LEPR: variants seen among roughly 807,000 people sequenced by gnomAD.
LEPR encodes OB receptor.
A neutral mutation model predicts 114.7 loss-of-function variants in LEPR; 56 were observed. That is an observed-to-expected ratio of 0.49 (90% confidence interval 0.39 to 0.61). The LOEUF is 0.61. Among genes scored for constraint, LEPR ranks in the 20% least tolerant of loss-of-function variants. The pLI, the probability that LEPR is intolerant of heterozygous loss-of-function variation, is 0.00. For missense variants in LEPR, 1,202 were observed against 1,352.9 expected, an observed-to-expected ratio of 0.89 and a Z score of 1.75; for synonymous variants, 443 against 461.4, an observed-to-expected ratio of 0.96 and a Z score of 0.51.
At chr1:65,475,988 G>C (rs1274306707) in intron 2 of LEPR, among the ~76,000 whole-genome samples, 1 of 151,652 alleles carries the variant, frequency 6.6e-6, no homozygotes, top group Non-Finnish European at 1.5e-5. Context: ...CTGCACTCCA[G>C]CCTGGGTGAC....
Position 65,425,347 on chromosome 1 carries a change from C to T in LEPR, c.-52C>T, listed in dbSNP as rs1646339826. Reference sequence around the variant, plus strand: ...CAGTGGGGCTATTGGACTGACTTTTCTTATGCTGGGATGTGCCTTAGAGGA... The same window carrying T: ...CAGTGGGGCTATTGGACTGACTTTTTTTATGCTGGGATGTGCCTTAGAGGA... On this transcript the variant is annotated 5_prime_UTR_variant, in exon 2 of 20. Coordinates refer to ENST00000349533, the MANE Select transcript of LEPR (RefSeq NM_002303.6). The T allele has an allele frequency of 1.2e-6, 2 of 1,606,786 alleles. No individual in the cohort carries two copies. The highest frequency in any genetic ancestry group is 1.7e-6 in the Non-Finnish European group (2 of 1,178,506).
At chr1:65,500,693 T>C (rs1222303249) in intron 2 of LEPR, among the ~76,000 whole-genome samples, 2 of 152,190 alleles carry the variant, frequency 1.3e-5, no homozygotes, top group Admixed American at 1.3e-4. Context: ...TATGTGTTAA[T>C]TGACAACATT....
chr1:65,621,105 G>A (rs1169265205), intron 17 of LEPR, among the ~76,000 whole-genome samples: 1 of 152,016 alleles, frequency 6.6e-6, no homozygotes, highest in African/African-American at 2.4e-5. Flanking sequence ...AGGTAGAGAG[G>A]AATGGCAAAT....
In LEPR at chr1:65,622,903, T is replaced by C. The variant is rs200460320; in HGVS notation, c.2598-3T>C. The stretch of plus-strand genomic sequence containing the variant: ...ATTTTGATGCCCTGTTTATCCTTTG[T>C]AGAATGAAAAAGCTATTTTGGGAAG... On this transcript the variant is annotated splice_polypyrimidine_tract_variant and splice_region_variant and intron_variant, in intron 18 of 19. Transcript: ENST00000349533. 3.1e-6 allele frequency: 5 copies of C among 1,613,880 alleles called. No homozygotes were observed. Among genetic ancestry groups the C allele is most frequent in the Admixed American group, 1.7e-5 (1 of 59,996 alleles).
At chr1:65,433,829 T>C (rs1040527132) in intron 2 of LEPR, 23 of 984,620 alleles carry the variant, frequency 2.3e-5, no homozygotes, top group Middle Eastern at 5.2e-4. Flanking sequence ...AATTTTTTTG[T>C]GATGTTGCCT....
At chr1:65,594,377 A>G (rs1346099022) in intron 6 of LEPR, among the ~76,000 whole-genome samples, 1 of 152,024 alleles carries the variant, frequency 6.6e-6, no homozygotes, top group Middle Eastern at 3.2e-3. Context: ...TCCAGAGCAT[A>G]TTGTAGGCCA....
At chr1:65,542,556 T>C (rs938200089) in intron 2 of LEPR, among the ~76,000 whole-genome samples, 1 of 151,932 alleles carries the variant, frequency 6.6e-6, no homozygotes, top group African/African-American at 2.4e-5. Flanking sequence ...GGTGGTTTGC[T>C]GCACCCATCA....
chr1:65,635,198 A>G (rs929912496), intron 19 of LEPR: 6 of 962,662 alleles, frequency 6.2e-6, no homozygotes, highest in African/African-American at 5.3e-5. Flanking sequence ...GTAAAATTCA[A>G]GTTAAATGAC....
intron 4 of LEPR, 113 bp from the exon 5 acceptor site, chr1:65,572,213 T>C (rs927623630): frequency 2.7e-5 from 36 of 1,333,850 alleles, no homozygotes; most frequent in Non-Finnish European, 3.5e-5. Context: ...GGAAGTTGTA[T>C]CAGAACACTG....
At chr1:65,486,546 C>G (rs796524859) in intron 2 of LEPR, 2 of 152,284 alleles carry the variant, frequency 1.3e-5, no homozygotes, top group African/African-American at 4.8e-5. Context: ...GAATGCTGCT[C>G]TAGTAGTGGT....
chr1:65,610,915 A>G (rs1657127062), intron 14 of LEPR, among the ~76,000 whole-genome samples: 1 of 152,222 alleles, frequency 6.6e-6, no homozygotes, highest in Admixed American at 6.5e-5. Flanking sequence ...TCCAAATGTG[A>G]ATTGTAAGTT....
intron 1 of LEPR, among the ~76,000 whole-genome samples, chr1:65,424,056 A>G (rs1280480805): frequency 2.0e-5 from 3 of 152,208 alleles, no homozygotes; most frequent in African/African-American, 7.2e-5. Context: ...ACCCAAAGTC[A>G]TAAGACCAGA....
At chr1:65,510,524 C>G (rs1648976098) in intron 2 of LEPR, among the ~76,000 whole-genome samples, 1 of 152,182 alleles carries the variant, frequency 6.6e-6, no homozygotes, top group Admixed American at 6.5e-5. Context: ...ACACTGTGCT[C>G]TCTGTGGAGG....
chr1:65,567,137 T>C (rs915753536), intron 3 of LEPR, among the ~76,000 whole-genome samples: 2 of 152,332 alleles, frequency 1.3e-5, no homozygotes, highest in African/African-American at 2.4e-5. Flanking sequence ...TTCTAGACCA[T>C]CTTTAGAGTT....
At chr1:65,534,089 A>G (rs144401305) in intron 2 of LEPR, among the ~76,000 whole-genome samples, 38 of 152,194 alleles carry the variant, frequency 2.5e-4, no homozygotes, top group African/African-American at 8.9e-4. Flanking sequence ...CCACTGGAGA[A>G]TTTTGTCAGT....
At chr1:65,534,301 A>C (rs919054821) in intron 2 of LEPR, among the ~76,000 whole-genome samples, 1 of 152,152 alleles carries the variant, frequency 6.6e-6, no homozygotes, top group African/African-American at 2.4e-5. Flanking sequence ...TTACCATATG[A>C]ATCCTTAAGT....
intron 7 of LEPR, among the ~76,000 whole-genome samples, chr1:65,597,423 T>A (rs1656141178): frequency 6.6e-6 from 1 of 152,206 alleles, no homozygotes; most frequent in South Asian, 2.1e-4. Flanking sequence ...TACACTGAGA[T>A]AGCAGGACAG....
At chr1:65,497,212 C>G (rs1648208972) in intron 2 of LEPR, among the ~76,000 whole-genome samples, 1 of 151,996 alleles carries the variant, frequency 6.6e-6, no homozygotes, top group Admixed American at 6.6e-5. Flanking sequence ...GTTGAATGAA[C>G]AGGGTAATTT....
chr1:65,608,710 T>C, intron 11 of LEPR, 43 bp from the exon 12 acceptor site: 1 of 1,588,120 alleles, frequency 6.3e-7, no homozygotes, highest in Non-Finnish European at 8.6e-7. Flanking sequence ...GCATTATTAC[T>C]ATTTAAATTA....
Sources: allele counts gnomAD v4.1 joint callset (sites outside exome capture counted in the v4.1 genomes callset), GRCh38; gene constraint gnomAD v4.1.1; transcripts MANE v1.5; gene names NCBI Gene and HGNC (gene_info 2026-07-23, HGNC 2026-07-21).